The following TAGLN3 variants were observed in gnomAD, a reference collection of about 807,000 sequenced individuals.
TAGLN3 encodes the protein transgelin-3.
Under a neutral mutation model 25.4 loss-of-function variants are expected in TAGLN3, and 12 were observed. That is an observed-to-expected ratio of 0.47 (90% CI 0.30 to 0.77). TAGLN3 has a LOEUF of 0.77. TAGLN3 is among the 30% of genes least tolerant of loss of function. The pLI is 0.06. For missense variants in TAGLN3, 218 were observed against 255.8 expected (o/e 0.85, Z 1.01); for synonymous variants, 96 against 94.8 (o/e 1.01, Z -0.08).
chr3:112,005,702 C>CTTTTTTTTT (rs761424017), intron 3 of TAGLN3, among the ~76,000 whole-genome samples: 1 of 30,132 alleles, frequency 3.3e-5, no homozygotes, highest in African/African-American at 8.9e-5. Flanking sequence ...TCTTTTTTTT[C>CTTTTTTTTT]TTTTTTTTTT....
At chr3:112,011,257 T>C (rs1276657122) in intron 3 of TAGLN3, among the ~76,000 whole-genome samples, 2 of 152,188 alleles carry the variant, frequency 1.3e-5, no homozygotes, top group Admixed American at 1.3e-4. Flanking sequence ...GGGCTCCCCA[T>C]CCCACTGTGC....
intron 3 of TAGLN3, 84 bp from the exon 4 acceptor site, chr3:112,011,679 T>A (rs2072978401): frequency 1.5e-6 from 2 of 1,313,070 alleles, no homozygotes; most frequent in Non-Finnish European, 2.1e-6. Context: ...TATCAGAACT[T>A]CCCTCCTGGG....
Position 112,013,880 on chromosome 3 carries a change from T to C in TAGLN3, c.*329T>C. 2.8e-6 allele frequency: 1 copy of C among 361,566 alleles called. No homozygotes were observed. The highest frequency in any genetic ancestry group is 5.3e-6 in the Non-Finnish European group (1 of 188,602). The allele number at this position is 361,566 out of a possible 1,614,324, so 22.4% of individuals were successfully genotyped here. ...ATGCACCTAATAAAGTAATTAGTCT[T>C]GTGTCTTACAGTGTAAAGTTCATTC... On this transcript the variant is annotated 3_prime_UTR_variant, in exon 5 of 5. Transcript: ENST00000478951.
rs2107719263 is a variant in TAGLN3, at chr3:112,000,879, C to T, written c.288C>T (p.Phe96=). The T allele has an allele frequency of 1.2e-6, 2 of 1,614,168 alleles. No individual in the cohort carries two copies. Among genetic ancestry groups the T allele is most frequent in the East Asian group, 2.2e-5 (1 of 44,890 alleles). Residue 96 remains phenylalanine, a synonymous_variant, in exon 3 of 5, where the codon TTC becomes TTT. Transcript: ENST00000478951. ...AGCAGATGGAGCAAATCTCCCAGTTCCTAAAAGCTGCGGAGACCTATGGTG... is the reference window on the plus strand; with the variant it reads ...AGCAGATGGAGCAAATCTCCCAGTTTCTAAAAGCTGCGGAGACCTATGGTG... The part of the protein sequence containing the change: ...AFKQMEQISQ[F]LKAAETYGVR...
chr3:112,012,246 CCCTCCCTCCCTT>C (rs2072985893), intron 4 of TAGLN3, among the ~76,000 whole-genome samples: 1 of 92,046 alleles, frequency 1.1e-5, no homozygotes, highest in African/African-American at 4.2e-5. Context: ...CTCCCTCCCT[CCCTCCCTCCCTT>C]CCTTCCTTCC....
At position 112,013,558 on chromosome 3, in the gene TAGLN3, G is replaced by A. The variant is rs1020880419; in HGVS notation, c.*7G>A. The stretch of plus-strand genomic sequence containing the variant: ...GCCCAGGCAGATCATGTAGGACGCG[G>A]CATCCTGCCCCTGGTAGAGAGGACG... On this transcript the variant is annotated 3_prime_UTR_variant, in exon 5 of 5. Coordinates refer to ENST00000478951, the MANE Select transcript of TAGLN3 (RefSeq NM_001008272.2). The A allele has an allele frequency of 6.2e-7, 1 of 1,614,048 alleles. No homozygotes were observed. The highest frequency in any genetic ancestry group is 1.1e-5 in the South Asian group (1 of 91,084).
At chr3:112,006,751 T>A (rs993401079) in intron 3 of TAGLN3, among the ~76,000 whole-genome samples, 4 of 152,260 alleles carry the variant, frequency 2.6e-5, no homozygotes, top group Non-Finnish European at 5.9e-5. Flanking sequence ...TTTATCCTTT[T>A]CATTTACTTT....
At chr3:111,999,941 C>T (rs1010258727) in intron 2 of TAGLN3, among the ~76,000 whole-genome samples, 1 of 152,192 alleles carries the variant, frequency 6.6e-6, no homozygotes, top group African/African-American at 2.4e-5. Flanking sequence ...GGGGCCATTT[C>T]TTTCCCTAGG....
intron 3 of TAGLN3, among the ~76,000 whole-genome samples, chr3:112,009,247 A>C (rs1288680785): frequency 6.6e-6 from 1 of 152,218 alleles, no homozygotes; most frequent in Non-Finnish European, 1.5e-5. Context: ...TCACTTGGCC[A>C]GAACATCAGT....
At chr3:112,011,922 T>A (rs2072981485) in intron 4 of TAGLN3, 57 bp downstream of exon 4, 2 of 1,531,976 alleles carry the variant, frequency 1.3e-6, no homozygotes, top group African/African-American at 2.7e-5. Context: ...AGAGGGAGGG[T>A]CTGAAGCCTT....
At chr3:112,002,423 A>T (rs1435234679) in intron 3 of TAGLN3, among the ~76,000 whole-genome samples, 3 of 152,274 alleles carry the variant, frequency 2.0e-5, no homozygotes, top group African/African-American at 7.2e-5. Context: ...GCTCTCTGAC[A>T]GCAAAGAATA....
At chr3:112,013,117 G>A (rs1020978592) in intron 4 of TAGLN3, among the ~76,000 whole-genome samples, 3 of 152,130 alleles carry the variant, frequency 2.0e-5, no homozygotes, top group African/African-American at 7.2e-5. Flanking sequence ...ACTCTTTGCT[G>A]GAATTCTGGA....
At chr3:112,000,553 T>G (rs1050958249) in intron 2 of TAGLN3, 7 of 465,266 alleles carry the variant, frequency 1.5e-5, no homozygotes, top group East Asian at 1.3e-4. Context: ...CAGGAATCTC[T>G]GTAGTAAGGA....
chr3:112,011,744 G>C lies in TAGLN3; in HGVS notation c.356-19G>C. 1 of 1,608,150 alleles carries C rather than the reference G, an allele frequency of 6.2e-7. No homozygotes were observed. The highest frequency in any genetic ancestry group is 8.5e-7 in the Non-Finnish European group (1 of 1,176,936). On this transcript the variant is annotated intron_variant, in intron 3 of 4. Transcript: ENST00000478951. ...GGCTCTGACACGTGCTTGGCTTTAA[G>C]CTCTTTGTTGGCTTCCAGGGAAGGA...
intron 4 of TAGLN3, among the ~76,000 whole-genome samples, chr3:112,012,241 TCCCTCCCTC>T (rs2072985263): frequency 3.3e-5 from 1 of 29,902 alleles, no homozygotes; most frequent in Non-Finnish European, 6.8e-5. Flanking sequence ...CCTCCCTCCC[TCCCTCCCTC>T]CCTCCCTTCC....
chr3:112,009,044 G>A (rs115178508), intron 3 of TAGLN3, among the ~76,000 whole-genome samples: 1 of 152,064 alleles, frequency 6.6e-6, no homozygotes. Flanking sequence ...GAAAGTAAAG[G>A]TGCCAGGCTC....
chr3:112,000,776 T>C lies in TAGLN3; in HGVS notation c.185T>C (p.Leu62Pro). The stretch of plus-strand genomic sequence containing the variant: ...GTCTCTCCCCTCCCTCTTCAGGTCC[T>C]GTGCAAGCTGATAAATAGTTTATAC... ...FQKWLMDGTV[L>P]CKLINSLYPP... The change falls in exon 3 of 5, where the codon CTG becomes CCG. Residue 62 changes from leucine (L) to proline (P), a missense_variant. Leu to Pro is a moderately conservative substitution (Grantham distance 98). Coordinates refer to ENST00000478951, the MANE Select transcript of TAGLN3 (RefSeq NM_001008272.2). 2 of 1,613,668 alleles carry C rather than the reference T, an allele frequency of 1.2e-6. No homozygotes were observed. The highest frequency in any genetic ancestry group is 1.7e-6 in the Non-Finnish European group (2 of 1,179,664).
chr3:111,999,639 G>A (rs1213672864), intron 2 of TAGLN3, 37 bp downstream of exon 2: 2 of 1,605,094 alleles, frequency 1.2e-6, no homozygotes, highest in Admixed American at 1.7e-5. Context: ...TGGGGCGGTG[G>A]GCAGGGAAAC....
intron 4 of TAGLN3, 137 bp downstream of exon 4, chr3:112,012,002 CA>C: frequency 1.4e-6 from 1 of 727,140 alleles, no homozygotes. Context: ...CTGAGTTCCC[CA>C]AAGCAATGAA....
Sources: allele counts gnomAD v4.1 joint callset (sites outside exome capture counted in the v4.1 genomes callset), GRCh38; gene constraint gnomAD v4.1.1; transcripts MANE v1.5; gene names NCBI Gene and HGNC (gene_info 2026-07-23, HGNC 2026-07-21).